SLC66A2: variants seen among roughly 807,000 people sequenced by gnomAD.
SLC66A2 encodes the protein solute carrier family 66 member 2.
SLC66A2 carries 23 observed loss-of-function variants against 25.5 expected under a neutral mutation model. The ratio of observed to expected loss-of-function variants is 0.90; its 90% CI spans 0.65 to 1.28. SLC66A2 has a LOEUF of 1.28. SLC66A2 is among the 50% of genes most tolerant of loss of function. The pLI, the probability that SLC66A2 is intolerant of heterozygous loss-of-function variation, is 0.00. For synonymous variants in SLC66A2, 193 were observed against 166.5 expected (o/e 1.16, Z -1.23); for missense variants, 396 against 373.1 (o/e 1.06, Z -0.51).
chr18:79,931,490 TCAAA>T (rs1790319005), intron 4 of SLC66A2, among the ~76,000 whole-genome samples: 2 of 151,474 alleles, frequency 1.3e-5, no homozygotes, highest in South Asian at 2.1e-4. Flanking sequence ...CCAAAATACA[TCAAA>T]CAAAAACTGA....
rs183891206 is a variant in SLC66A2 at position 79,937,421 on chromosome 18, T to C, written c.338-3399A>G. ...TAACACACCAAACGTCCAACTCACATGTTCAGAATGACTCAGAAACATGCA... is the reference window on the plus strand; with the variant it reads ...TAACACACCAAACGTCCAACTCACACGTTCAGAATGACTCAGAAACATGCA... On this transcript the variant is annotated intron_variant, in intron 3 of 5. Coordinates refer to ENST00000397778, the MANE Select transcript of SLC66A2 (RefSeq NM_025078.5). This position sits in a 1 kb window ranked among gnomAD's most constrained non-coding sequence, Gnocchi z 5.4. Among the ~76,000 whole-genome samples the C allele has an allele frequency of 3.0e-4, 46 of 152,334 alleles. No homozygotes were observed. Among genetic ancestry groups the C allele is most frequent in the African/African-American group, 9.6e-4 (40 of 41,570 alleles).
chr18:79,912,554 C>T (rs975650651), intron 5 of SLC66A2, among the ~76,000 whole-genome samples: 7 of 152,104 alleles, frequency 4.6e-5, no homozygotes, highest in African/African-American at 1.7e-4. Flanking sequence ...CATCAGGCAC[C>T]ACTGATGTGA....
chr18:79,926,092 G>A (rs923326599), intron 4 of SLC66A2, among the ~76,000 whole-genome samples: 1 of 152,184 alleles, frequency 6.6e-6, no homozygotes, highest in Non-Finnish European at 1.5e-5. Context: ...CAGATGCTGT[G>A]GCAACATCAG....
At chr18:79,934,062 A>G (rs1257918729) in intron 3 of SLC66A2, 40 bp from the exon 4 acceptor site, 2 of 1,555,190 alleles carry the variant, frequency 1.3e-6, no homozygotes, top group African/African-American at 1.4e-5. Context: ...AAAGGGGAAA[A>G]AGACAGAAAC....
At chr18:79,943,680 C>T in intron 2 of SLC66A2, 1 of 517,560 alleles carries the variant, frequency 1.9e-6, no homozygotes, top group Non-Finnish European at 3.4e-6. Flanking sequence ...AGGAGGGAGG[C>T]CCACCCATGC....
Position 79,904,281 on chromosome 18 carries a change from G to A in SLC66A2, c.609-98C>T, listed in dbSNP as rs1981695442. ...GGCTTAGACAGCGGGGAGACCTGGG[G>A]CTCAGGGGCACCCAGGGGGCTAAGG... On this transcript the variant is annotated intron_variant, in intron 5 of 5. Transcript: ENST00000397778. This position sits in a 1 kb window ranked among gnomAD's most constrained non-coding sequence, Gnocchi z 6.3. 5 of 1,122,894 alleles carry A rather than the reference G, an allele frequency of 4.5e-6. No homozygotes were observed. The East Asian group carries it at 1.3e-4, about 28-fold the overall frequency. The allele number at this position is 1,122,894 out of a possible 1,614,324, so 69.6% of individuals were successfully genotyped here.
chr18:79,947,684 G>A (rs571384254), intron 2 of SLC66A2, among the ~76,000 whole-genome samples: 1 of 62,000 alleles, frequency 1.6e-5, no homozygotes, highest in South Asian at 6.8e-4. Flanking sequence ...CAAACACCGA[G>A]TGTGCCTGCG....
At position 79,934,333 on chromosome 18, in the gene SLC66A2, G is replaced by A. The variant is rs75404513; in HGVS notation, c.338-311C>T. Among the ~76,000 whole-genome samples the A allele has an allele frequency of 4.1e-3, 620 of 152,286 alleles. 17 individuals are homozygous for A. In the East Asian group the frequency reaches 0.065, roughly 16 times the overall value. ...AATCTCTCGGGAGAAAGGCAGCATG[G>A]GAGCCCGTCACAAGCGTGCTGTGCT... On this transcript the variant is annotated intron_variant, in intron 3 of 5. Transcript: ENST00000397778.
At chr18:79,938,159 A>C (rs201813944) in intron 3 of SLC66A2, among the ~76,000 whole-genome samples, 2 of 143,976 alleles carry the variant, frequency 1.4e-5, no homozygotes, top group East Asian at 4.1e-4. Context: ...AAAAAAAAAA[A>C]GAAAGAAAGA....
chr18:79,922,469 C>G (rs184872420), intron 4 of SLC66A2, among the ~76,000 whole-genome samples: 2 of 152,180 alleles, frequency 1.3e-5, no homozygotes, highest in Non-Finnish European at 2.9e-5. Context: ...CTAGGACATT[C>G]TGGGGATTCA....
intron 3 of SLC66A2, among the ~76,000 whole-genome samples, chr18:79,939,988 T>C (rs768237874): frequency 1.3e-5 from 2 of 152,220 alleles, no homozygotes; most frequent in Non-Finnish European, 2.9e-5. Flanking sequence ...ATGAAAATCA[T>C]CTAGATTTTC....
intron 5 of SLC66A2, among the ~76,000 whole-genome samples, chr18:79,905,871 A>G (rs1425790777): frequency 6.6e-6 from 1 of 152,120 alleles, no homozygotes; most frequent in Non-Finnish European, 1.5e-5. Context: ...AACTCTGTAA[A>G]CACACACACA....
In SLC66A2 at chr18:79,902,956, A is replaced by AC; in HGVS notation, c.*1019dup. On this transcript the variant is annotated 3_prime_UTR_variant, in exon 6 of 6. Coordinates refer to ENST00000397778, the MANE Select transcript of SLC66A2 (RefSeq NM_025078.5). ...AGGACAGGATGCGGCAGGCCCCAGT[A>AC]CCCCCCACTCAGGAATTTGCTTCAG... The AC allele has an allele frequency of 1.3e-5, 2 of 152,906 alleles. No homozygotes were observed. The highest frequency in any genetic ancestry group is 2.9e-5 in the Non-Finnish European group (2 of 68,688). The allele number at this position is 152,906 out of a possible 1,614,324, so 9.5% of individuals were successfully genotyped here.
chr18:79,943,791 T>C (rs1987928569), intron 2 of SLC66A2: 9 of 169,638 alleles, frequency 5.3e-5, no homozygotes, highest in South Asian at 9.4e-5. Context: ...GCAGGAAAGA[T>C]CCTGTGTCGG....
At chr18:79,935,720 G>A (rs1450921312) in intron 3 of SLC66A2, among the ~76,000 whole-genome samples, 1 of 152,144 alleles carries the variant, frequency 6.6e-6, no homozygotes, top group Non-Finnish European at 1.5e-5. Context: ...AGGAGGCCTT[G>A]GTGGGTGTCC....
In SLC66A2 at chr18:79,917,347, C is replaced by T. The variant is rs1984323779; in HGVS notation, c.608+1837G>A. 6.6e-6 allele frequency among the ~76,000 whole-genome samples: 1 copy of T among 152,216 alleles called. No homozygotes were observed. Among genetic ancestry groups the T allele is most frequent in the African/African-American group, 2.4e-5 (1 of 41,460 alleles). On this transcript the variant is annotated intron_variant, in intron 5 of 5. Coordinates refer to ENST00000397778, the MANE Select transcript of SLC66A2 (RefSeq NM_025078.5). This position sits in a 1 kb window ranked among gnomAD's most constrained non-coding sequence, Gnocchi z 6.0. ...AACAGCTCCTGCCAAGCCTGGGGCC[C>T]CTGTGAGGTCACACACGGCCAGCTC...
chr18:79,938,136 A>AC (rs1344958473), intron 3 of SLC66A2, among the ~76,000 whole-genome samples: 1 of 101,650 alleles, frequency 9.8e-6, no homozygotes, highest in Non-Finnish European at 2.2e-5. Flanking sequence ...ACAGAGTGAG[A>AC]CCCTGTCTCA....
At chr18:79,923,085 G>A (rs1372360466) in intron 4 of SLC66A2, among the ~76,000 whole-genome samples, 2 of 151,896 alleles carry the variant, frequency 1.3e-5, no homozygotes, top group Non-Finnish European at 2.9e-5. Context: ...CAAGGCCAGA[G>A]GAAGGATGGG....
intron 4 of SLC66A2, among the ~76,000 whole-genome samples, chr18:79,930,853 T>C (rs1301893267): frequency 1.3e-5 from 2 of 152,144 alleles, no homozygotes; most frequent in African/African-American, 4.8e-5. Flanking sequence ...TGACATAAAA[T>C]GTATATAAAG....
Sources: gnomAD v4.1 joint callset for allele counts (sites outside exome capture counted in the v4.1 genomes callset) on GRCh38, gnomAD v4.1.1 for gene constraint, Gnocchi (gnomAD v3.1) non-coding constraint, MANE v1.5 for transcripts, NCBI Gene and HGNC (gene_info 2026-07-23, HGNC 2026-07-21) for gene names.